The following KREMEN1 variants were observed in gnomAD, a reference collection of about 807,000 sequenced individuals.
KREMEN1 encodes kringle containing transmembrane protein 1.
Under a neutral mutation model 46.5 loss-of-function variants are expected in KREMEN1, and 30 were observed. The ratio of observed to expected loss-of-function variants is 0.65; its 90% CI spans 0.48 to 0.88. The LOEUF (loss-of-function observed/expected upper bound fraction) is 0.88. Ranked by LOEUF, KREMEN1 falls within the 40% of genes least tolerant of loss-of-function variation. The pLI is 0.00. For missense variants in KREMEN1, 533 were observed against 596.9 expected (o/e 0.89, Z 1.11); for synonymous variants, 214 against 230.6 (o/e 0.93, Z 0.65).
chr22:29,112,696 G>A (rs542228935), intron 3 of KREMEN1, among the ~76,000 whole-genome samples: 1 of 152,262 alleles, frequency 6.6e-6, no homozygotes, highest in Admixed American at 6.5e-5. Context: ...TTTAAAAATT[G>A]AAAGTGATGA....
intron 3 of KREMEN1, among the ~76,000 whole-genome samples, chr22:29,120,390 AC>A: frequency 8.1e-6 from 1 of 124,060 alleles, no homozygotes; most frequent in Non-Finnish European, 1.8e-5. Flanking sequence ...GATAATGGAA[AC>A]AGGGAGGAGG....
At chr22:29,153,949 G>T (rs1249766072) in intron 9 of KREMEN1, among the ~76,000 whole-genome samples, 1 of 143,668 alleles carries the variant, frequency 7.0e-6, no homozygotes, top group African/African-American at 2.6e-5. Flanking sequence ...TCCAGCCTGG[G>T]TAACGGCAAG....
chr22:29,085,502 C>G (rs2037714901), intron 1 of KREMEN1, among the ~76,000 whole-genome samples: 1 of 152,110 alleles, frequency 6.6e-6, no homozygotes, highest in South Asian at 2.1e-4. Context: ...CATCAAATAT[C>G]CAGTCAATGT....
rs531844414 is a variant in KREMEN1 at position 29,143,323 on chromosome 22, T to C, written c.*1211T>C. On this transcript the variant is annotated 3_prime_UTR_variant, in exon 9 of 9. Coordinates refer to ENST00000400335, the MANE Select transcript of KREMEN1 (RefSeq NM_001039570.3). Reference sequence around the variant, plus strand: ...GAGCCAGGCCTCAGTCTCTCCATGATTGGCTCAGCTAACTCTCAGTTCAGA... The same window carrying C: ...GAGCCAGGCCTCAGTCTCTCCATGACTGGCTCAGCTAACTCTCAGTTCAGA... The C allele has an allele frequency of 1.3e-5, 13 of 985,454 alleles. No individual in the cohort carries two copies. The Admixed American group carries it at 2.5e-4, about 19-fold the overall frequency. The allele number at this position is 985,454 out of a possible 1,614,324, so 61.0% of individuals were successfully genotyped here. A position where few individuals can be genotyped will look rare whatever the true frequency, so the allele number is the denominator to read the frequency against.
In KREMEN1 at chr22:29,144,771, G is replaced by A. The variant is rs114199238; in HGVS notation, c.*2659G>A. On this transcript the variant is annotated 3_prime_UTR_variant, in exon 9 of 9. Coordinates refer to ENST00000400335, the MANE Select transcript of KREMEN1 (RefSeq NM_001039570.3). ...GCTGACACTGACCACTGGCCTCTGG[G>A]GTGTCCTGCAGCCCAAATGCCCACC... is the stretch of plus-strand genomic sequence containing the variant. 4,572 of 985,476 alleles carry A rather than the reference G, an allele frequency of 4.6e-3. 140 individuals are homozygous for A. In the African/African-American group the frequency reaches 0.071, roughly 15 times the overall value. 61.0% of individuals were successfully genotyped at this position (985,476 alleles called of 1,614,324 possible). A position where few individuals can be genotyped will look rare whatever the true frequency, so the allele number is the denominator to read the frequency against.
At position 29,144,387 on chromosome 22, in the gene KREMEN1, G is replaced by A. The variant is rs1046696677; in HGVS notation, c.*2275G>A. On this transcript the variant is annotated 3_prime_UTR_variant, in exon 9 of 9. Coordinates refer to ENST00000400335, the MANE Select transcript of KREMEN1 (RefSeq NM_001039570.3). ...CTTCAGAGGAGGGAAACGGAGCAAT[G>A]TGTCACAGGCAGGCAGGGGCAGGAC... The A allele has an allele frequency of 5.1e-6, 5 of 985,894 alleles. No individual in the cohort carries two copies. Among genetic ancestry groups the A allele is most frequent in the Middle Eastern group, 5.2e-4 (1 of 1,938 alleles). 61.1% of individuals were successfully genotyped at this position (985,894 alleles called of 1,614,324 possible).
At chr22:29,151,348 A>T (rs553701341), downstream of KREMEN1, among the ~76,000 whole-genome samples, 30 of 152,334 alleles carry the variant, frequency 2.0e-4, no homozygotes, top group Admixed American at 1.6e-3. Context: ...CATTTTACTG[A>T]TCACCTGTTG....
chr22:29,130,484 G>T (rs2038514896), intron 5 of KREMEN1, among the ~76,000 whole-genome samples: 1 of 152,178 alleles, frequency 6.6e-6, no homozygotes, highest in African/African-American at 2.4e-5. Context: ...AGATTAAAGT[G>T]TATCCCTTAG....
chr22:29,106,547 C>G (rs981684797), intron 3 of KREMEN1, among the ~76,000 whole-genome samples: 1 of 152,116 alleles, frequency 6.6e-6, no homozygotes, highest in Non-Finnish European at 1.5e-5. Context: ...CATGTCTACT[C>G]TCCCGCCTCC....
At position 29,143,477 on chromosome 22, in the gene KREMEN1, T is replaced by G. The variant is rs2038802146; in HGVS notation, c.*1365T>G. On this transcript the variant is annotated 3_prime_UTR_variant, in exon 9 of 9. Transcript: ENST00000400335. ...CACCCCAAGGGCCGGGCGCGGTGGC[T>G]CATGCCTGTAATCCCAGCACTTTGG... The G allele has an allele frequency of 1.0e-6, 1 of 985,130 alleles. No homozygotes were observed. Among genetic ancestry groups the G allele is most frequent in the South Asian group, 4.7e-5 (1 of 21,272 alleles). The allele number at this position is 985,130 out of a possible 1,614,324, so 61.0% of individuals were successfully genotyped here.
chr22:29,080,044 A>C (rs945590157), intron 1 of KREMEN1, among the ~76,000 whole-genome samples: 11 of 152,244 alleles, frequency 7.2e-5, no homozygotes, highest in Non-Finnish European at 1.2e-4. Flanking sequence ...CCCACATAAA[A>C]TACAGTGGAA....
chr22:29,117,346 TCG>T (rs2038257148), intron 3 of KREMEN1, among the ~76,000 whole-genome samples: 1 of 152,164 alleles, frequency 6.6e-6, no homozygotes, highest in Non-Finnish European at 1.5e-5. Flanking sequence ...GGTGGGCGGA[TCG>T]CAAGGTCAGG....
intron 9 of KREMEN1, among the ~76,000 whole-genome samples, chr22:29,166,606 C>A (rs981880388): frequency 1.3e-5 from 2 of 152,200 alleles, no homozygotes; most frequent in African/African-American, 4.8e-5. Flanking sequence ...TCTCTCAACT[C>A]TTTTAGTCAC....
chr22:29,110,840 C>T (rs16987102), intron 3 of KREMEN1, among the ~76,000 whole-genome samples: 2,055 of 152,236 alleles, frequency 0.013, 57 homozygotes, highest in African/African-American at 0.047. Flanking sequence ...GCACAGGGTG[C>T]AGTGAGCTTA....
intron 3 of KREMEN1, among the ~76,000 whole-genome samples, chr22:29,108,266 G>A (rs1429365061): frequency 7.2e-5 from 11 of 152,338 alleles, no homozygotes; most frequent in Non-Finnish European, 8.8e-5. Context: ...TAGTCTGGGC[G>A]ATGAGAGTGA....
chr22:29,075,425 T>C (rs996290891), intron 1 of KREMEN1, among the ~76,000 whole-genome samples: 3 of 152,192 alleles, frequency 2.0e-5, no homozygotes, highest in Non-Finnish European at 4.4e-5. Flanking sequence ...GCATCTCTTA[T>C]CAAGTTTGCA....
chr22:29,111,429 A>G (rs2038146852), intron 3 of KREMEN1, among the ~76,000 whole-genome samples: 2 of 151,868 alleles, frequency 1.3e-5, no homozygotes, highest in East Asian at 1.9e-4. Flanking sequence ...TGGCTAACAC[A>G]GTGAAACCCC....
At chr22:29,084,911 G>C (rs1362791492) in intron 1 of KREMEN1, among the ~76,000 whole-genome samples, 4 of 152,018 alleles carry the variant, frequency 2.6e-5, no homozygotes, top group Non-Finnish European at 5.9e-5. Flanking sequence ...TGTTTTTAAG[G>C]GCACCATCTC....
At chr22:29,164,543 C>A (rs772603618) in intron 9 of KREMEN1, among the ~76,000 whole-genome samples, 5 of 151,974 alleles carry the variant, frequency 3.3e-5, no homozygotes, top group Non-Finnish European at 5.9e-5. Context: ...GTCAGAAGTT[C>A]GAGACCAGCC....
Sources: allele counts gnomAD v4.1 joint callset (sites outside exome capture counted in the v4.1 genomes callset), GRCh38; gene constraint gnomAD v4.1.1; transcripts MANE v1.5; gene names NCBI Gene and HGNC (gene_info 2026-07-23, HGNC 2026-07-21).